SORCS3: variants seen among roughly 807,000 people sequenced by gnomAD.
SORCS3 encodes the protein sortilin related VPS10 domain containing receptor 3.
In SORCS3, 57 loss-of-function variants were observed where a neutral mutation model predicts 146.3. That is an observed-to-expected ratio of 0.39 (90% confidence interval 0.31 to 0.49). SORCS3 has a LOEUF of 0.49. SORCS3 is among the 20% of genes least tolerant of loss of function. The probability of loss-of-function intolerance (pLI) is 0.92; values close to 1 mark genes in which losing one functional copy is unlikely to be tolerated. For synonymous variants in SORCS3, 653 were observed against 618.5 expected (o/e 1.06, Z -0.83); for missense variants, 1,341 against 1,575.5 (o/e 0.85, Z 2.52).
At chr10:104,994,537 T>C (rs1290977915) in intron 4 of SORCS3, among the ~76,000 whole-genome samples, 1 of 152,174 alleles carries the variant, frequency 6.6e-6, no homozygotes, top group Non-Finnish European at 1.5e-5. Flanking sequence ...ATCACTACAG[T>C]CAAGAATCTG....
intron 9 of SORCS3, among the ~76,000 whole-genome samples, chr10:105,152,258 C>T (rs1241280098): frequency 6.6e-6 from 1 of 152,186 alleles, no homozygotes; most frequent in African/African-American, 2.4e-5. Flanking sequence ...CTGTCAAATA[C>T]ATACATAAGG....
At chr10:104,757,172 C>A (rs2017063843) in intron 1 of SORCS3, among the ~76,000 whole-genome samples, 1 of 151,368 alleles carries the variant, frequency 6.6e-6, no homozygotes, top group Non-Finnish European at 1.5e-5. Flanking sequence ...AATGTTCTGT[C>A]CCCACATCAT....
At chr10:104,873,778 A>G (rs953802942) in intron 2 of SORCS3, among the ~76,000 whole-genome samples, 1 of 152,202 alleles carries the variant, frequency 6.6e-6, no homozygotes, top group Non-Finnish European at 1.5e-5. Flanking sequence ...TTAACTTTGT[A>G]CAAGCTAACA....
intron 1 of SORCS3, among the ~76,000 whole-genome samples, chr10:104,762,928 A>C (rs769550882): frequency 3.9e-5 from 6 of 152,208 alleles, no homozygotes; most frequent in Non-Finnish European, 5.9e-5. Context: ...TGTGACAAAT[A>C]CTAGTGCTCA....
intron 1 of SORCS3, among the ~76,000 whole-genome samples, chr10:104,667,301 C>G (rs573457091): frequency 3.3e-5 from 5 of 150,020 alleles, no homozygotes; most frequent in African/African-American, 1.2e-4. Flanking sequence ...AGCTGCTTTT[C>G]TCTGCCTATG....
At chr10:104,689,015 G>C (rs774102915) in intron 1 of SORCS3, among the ~76,000 whole-genome samples, 1 of 152,214 alleles carries the variant, frequency 6.6e-6, no homozygotes, top group African/African-American at 2.4e-5. Context: ...CTCTTACTCA[G>C]TTAACACCCT....
chr10:105,237,408 A>G (rs1203621849), intron 20 of SORCS3, among the ~76,000 whole-genome samples: 2 of 152,204 alleles, frequency 1.3e-5, no homozygotes, highest in East Asian at 3.8e-4. Context: ...GAGCATTTGG[A>G]AGTATTAGTC....
At chr10:104,987,608 G>A (rs183884979) in intron 4 of SORCS3, among the ~76,000 whole-genome samples, 9 of 152,030 alleles carry the variant, frequency 5.9e-5, no homozygotes, top group Admixed American at 1.3e-4. Context: ...TTTCACTGTC[G>A]TCCTTTTAGA....
chr10:104,696,141 TTA>T (rs1348772136), intron 1 of SORCS3, among the ~76,000 whole-genome samples: 2 of 105,824 alleles, frequency 1.9e-5, no homozygotes, highest in African/African-American at 7.3e-5. Context: ...TATACACATA[TTA>T]TATATAATAT....
chr10:104,975,839 G>A (rs1167633576), intron 3 of SORCS3, among the ~76,000 whole-genome samples: 4 of 152,170 alleles, frequency 2.6e-5, no homozygotes, highest in South Asian at 2.1e-4. Flanking sequence ...AAATGGTGCC[G>A]GGAAAACCGG....
intron 4 of SORCS3, among the ~76,000 whole-genome samples, chr10:104,979,751 G>A (rs1267557077): frequency 6.6e-6 from 1 of 152,092 alleles, no homozygotes; most frequent in Non-Finnish European, 1.5e-5. Flanking sequence ...TTCTTTCATG[G>A]CATCAAGTGG....
chr10:105,234,451 T>C (rs896782229), intron 20 of SORCS3, among the ~76,000 whole-genome samples: 2 of 152,204 alleles, frequency 1.3e-5, no homozygotes, highest in Middle Eastern at 3.4e-3. Flanking sequence ...TTCTCAGTTA[T>C]AATTATTTCA....
At chr10:105,146,080 G>C (rs2056129153) in intron 8 of SORCS3, among the ~76,000 whole-genome samples, 1 of 152,010 alleles carries the variant, frequency 6.6e-6, no homozygotes, top group Admixed American at 6.6e-5. Flanking sequence ...TTTTACCAGT[G>C]CTTTCCATCA....
intron 7 of SORCS3, among the ~76,000 whole-genome samples, chr10:105,124,396 G>C (rs2055957747): frequency 6.6e-6 from 1 of 152,184 alleles, no homozygotes; most frequent in Non-Finnish European, 1.5e-5. Context: ...AATGTGGCAG[G>C]GCATACGGCC....
intron 1 of SORCS3, among the ~76,000 whole-genome samples, chr10:104,780,140 T>TC (rs923848545): frequency 1.3e-5 from 2 of 149,240 alleles, no homozygotes; most frequent in African/African-American, 2.5e-5. Flanking sequence ...GGAGGCAGTT[T>TC]TTTTTTTTTT....
intron 3 of SORCS3, among the ~76,000 whole-genome samples, chr10:104,954,524 T>C (rs985116688): frequency 6.6e-6 from 1 of 152,200 alleles, no homozygotes; most frequent in Non-Finnish European, 1.5e-5. Flanking sequence ...GGGCCTCTGC[T>C]TGTTAATTAA....
At chr10:104,805,482 A>T (rs2017670308) in intron 1 of SORCS3, among the ~76,000 whole-genome samples, 1 of 152,018 alleles carries the variant, frequency 6.6e-6, no homozygotes, top group African/African-American at 2.4e-5. Context: ...CATTTTTTTT[A>T]AAAGGTGGGT....
intron 1 of SORCS3, among the ~76,000 whole-genome samples, chr10:104,802,329 A>G (rs2017632722): frequency 6.6e-6 from 1 of 152,224 alleles, no homozygotes; most frequent in African/African-American, 2.4e-5. Context: ...CACAACAAAG[A>G]TGAGATTTTA....
intron 1 of SORCS3, among the ~76,000 whole-genome samples, chr10:104,655,720 CAGTG>C (rs2015620616): frequency 6.6e-6 from 1 of 152,084 alleles, no homozygotes; most frequent in South Asian, 2.1e-4. Flanking sequence ...GTCCTTGTGA[CAGTG>C]AGTGAGTTCT....
Sources: allele counts gnomAD v4.1 joint callset (sites outside exome capture counted in the v4.1 genomes callset), GRCh38; gene constraint gnomAD v4.1.1; transcripts MANE v1.5; gene names NCBI Gene and HGNC (gene_info 2026-07-23, HGNC 2026-07-21).